The following FKBP15 variants were observed in gnomAD, a reference collection of about 807,000 sequenced individuals.
The protein encoded by FKBP15 is FK506-binding protein 15.
In FKBP15, 106 loss-of-function variants were observed where a neutral mutation model predicts 158.1. That is an observed-to-expected ratio of 0.67 (90% CI 0.57 to 0.79). FKBP15 has a LOEUF of 0.79. Ranked by LOEUF, FKBP15 falls within the 30% of genes least tolerant of loss-of-function variation. FKBP15 has a pLI of 0.00. For synonymous variants in FKBP15, 547 were observed against 548.6 expected, an observed-to-expected ratio of 1.00 and a Z score of 0.04; for missense variants, 1,287 against 1,479.1, an observed-to-expected ratio of 0.87 and a Z score of 2.13.
At chr9:113,196,888 C>T in intron 9 of FKBP15, 44 bp downstream of exon 9, 2 of 1,584,008 alleles carry the variant, frequency 1.3e-6, no homozygotes, top group Non-Finnish European at 8.6e-7. Flanking sequence ...AGCAAAGAGA[C>T]AGGCAGAGGA....
At chr9:113,220,569 A>C (rs1831230087) in intron 1 of FKBP15, among the ~76,000 whole-genome samples, 1 of 152,228 alleles carries the variant, frequency 6.6e-6, no homozygotes, top group Non-Finnish European at 1.5e-5. Flanking sequence ...CTTCCTGAGC[A>C]CTCACTATGT....
intron 1 of FKBP15, among the ~76,000 whole-genome samples, chr9:113,217,713 C>T (rs1245517177): frequency 6.6e-6 from 1 of 151,976 alleles, no homozygotes; most frequent in East Asian, 1.9e-4. Context: ...TGGTGGCATG[C>T]GCCTGTAATC....
Position 113,165,751 on chromosome 9 carries a change from T to G in FKBP15, c.*327A>C. On this transcript the variant is annotated 3_prime_UTR_variant, in exon 28 of 28. Transcript: ENST00000238256. ...ATTCAGGTAGAGGAGGGCTCCCAGG[T>G]CAGTCTGAGAGTTAATGAAGAGATT... 4.4e-6 allele frequency: 1 copy of G among 228,724 alleles called. No homozygotes were observed. The highest frequency in any genetic ancestry group is 7.4e-5 in the South Asian group (1 of 13,428). The allele number at this position is 228,724 out of a possible 1,614,324, so 14.2% of individuals were successfully genotyped here. A position where few individuals can be genotyped will look rare whatever the true frequency, so the allele number is the denominator to read the frequency against.
Position 113,170,559 on chromosome 9 carries a change from C to CCATTT in FKBP15, c.2728_2729insAAATG (p.Gly910GlufsTer11), listed in dbSNP as rs1241071677. The stretch of plus-strand genomic sequence containing the variant: ...CATGATGGTTCCCAGAATGGTCCTG[C>CCATTT]CATTGTAAGATTCCTCCAGCTCAAA... On this transcript the variant is annotated frameshift_variant, in exon 25 of 28. Transcript: ENST00000238256. LOFTEE classifies it high-confidence loss of function. 6.2e-7 allele frequency: 1 copy of CCATTT among 1,613,878 alleles called. No individual in the cohort carries two copies. Among genetic ancestry groups the CCATTT allele is most frequent in the South Asian group, 1.1e-5 (1 of 91,082 alleles).
rs1374895589 is a variant in FKBP15 at position 113,208,291 on chromosome 9, C to T, written c.170-995G>A. Among the ~76,000 whole-genome samples, 5 of 152,078 alleles carry T rather than the reference C, an allele frequency of 3.3e-5. No individual in the cohort carries two copies. In the East Asian group the frequency reaches 7.7e-4, roughly 24 times the overall value. On this transcript the variant is annotated intron_variant, in intron 2 of 27. Transcript: ENST00000238256. Reference sequence around the variant, plus strand: ...GGCAGAGGTTGCAGTGAGCTGAGATCGCACCACTGCACCCCAGCCTGGGTG... The same window carrying T: ...GGCAGAGGTTGCAGTGAGCTGAGATTGCACCACTGCACCCCAGCCTGGGTG...
chr9:113,162,698 CCTCATTACCAG>C lies in FKBP15; in HGVS notation c.*3369_*3379del. 1.9e-6 allele frequency: 3 copies of C among 1,543,202 alleles called. No homozygotes were observed. Among genetic ancestry groups the C allele is most frequent in the Non-Finnish European group, 1.8e-6 (2 of 1,133,852 alleles). Reference sequence around the variant, plus strand: ...ACTCCCTGATATCTACTCCCAGCTTCCTCATTACCAGCTCATTACCAGGATTAACTTGCTTC... The same window carrying C: ...ACTCCCTGATATCTACTCCCAGCTTCCTCATTACCAGGATTAACTTGCTTC... On this transcript the variant is annotated 3_prime_UTR_variant, in exon 28 of 28. Transcript: ENST00000238256.
chr9:113,206,500 C>A lies in FKBP15; in HGVS notation c.324+9G>T, dbSNP rs770398287. On this transcript the variant is annotated intron_variant, in intron 4 of 27. Coordinates refer to ENST00000238256, the MANE Select transcript of FKBP15 (RefSeq NM_015258.2). Reference sequence around the variant, plus strand: ...TCTGAATATACATGAGATGTGGGAGCACTCTCACCTCTCTGGCTGTGTGGT... The same window carrying A: ...TCTGAATATACATGAGATGTGGGAGAACTCTCACCTCTCTGGCTGTGTGGT... The A allele has an allele frequency of 1.9e-6, 3 of 1,611,482 alleles. No homozygotes were observed. The highest frequency in any genetic ancestry group is 1.7e-5 in the Admixed American group (1 of 59,982).
chr9:113,199,064 C>T (rs905747916), intron 7 of FKBP15, 141 bp from the exon 8 acceptor site: 8 of 606,596 alleles, frequency 1.3e-5, no homozygotes, highest in African/African-American at 1.1e-4. Flanking sequence ...TTCTAAAGGA[C>T]CTGAAATATT....
At position 113,188,375 on chromosome 9, in the gene FKBP15, G is replaced by T; in HGVS notation, c.1276+14C>A. ...CCCAGTTCAAGGCCACAGAGCCTCA[G>T]AGAGGTTCCTTACCCTGTGAGGTCA... On this transcript the variant is annotated intron_variant, in intron 13 of 27. Coordinates refer to ENST00000238256, the MANE Select transcript of FKBP15 (RefSeq NM_015258.2). 1 of 1,593,504 alleles carries T rather than the reference G, an allele frequency of 6.3e-7. No homozygotes were observed. Among genetic ancestry groups the T allele is most frequent in the Non-Finnish European group, 8.6e-7 (1 of 1,161,530 alleles).
intron 19 of FKBP15, among the ~76,000 whole-genome samples, chr9:113,181,507 A>T (rs568479859): frequency 1.3e-5 from 2 of 152,336 alleles, no homozygotes; most frequent in South Asian, 4.1e-4. Flanking sequence ...TGGAATCTAT[A>T]GGATCTTTTT....
At chr9:113,174,817 A>ACATCCTAACTTTCATAAAGGTACAGG (rs138365812) in intron 21 of FKBP15, among the ~76,000 whole-genome samples, 2 of 51,780 alleles carry the variant, frequency 3.9e-5, no homozygotes, top group African/African-American at 6.8e-5. Flanking sequence ...GAGCTAGGGA[A>ACATCCTAACTTTCATAAAGGTACAGG]ATTGGGAGGC....
At chr9:113,177,741 C>A (rs542654785) in intron 20 of FKBP15, among the ~76,000 whole-genome samples, 1 of 152,284 alleles carries the variant, frequency 6.6e-6, no homozygotes, top group African/African-American at 2.4e-5. Flanking sequence ...TGCTTCCACC[C>A]AACTCTGCTG....
chr9:113,213,109 A>T (rs4129395), intron 1 of FKBP15, among the ~76,000 whole-genome samples: 4 of 151,866 alleles, frequency 2.6e-5, no homozygotes, highest in African/African-American at 9.7e-5. Flanking sequence ...ATCAGCAAAA[A>T]TAAAAAGTGC....
intron 1 of FKBP15, among the ~76,000 whole-genome samples, chr9:113,214,066 G>A (rs1831071507): frequency 6.6e-6 from 1 of 152,076 alleles, no homozygotes; most frequent in Non-Finnish European, 1.5e-5. Flanking sequence ...CCAAATAGCT[G>A]AGACTACAGG....
intron 1 of FKBP15, among the ~76,000 whole-genome samples, chr9:113,214,921 C>T (rs1831087090): frequency 6.6e-6 from 1 of 152,238 alleles, no homozygotes; most frequent in African/African-American, 2.4e-5. Context: ...AACCTCTGCT[C>T]ACTTCCAGCT....
Position 113,165,916 on chromosome 9 carries a change from T to G in FKBP15, c.*162A>C. 1 of 566,200 alleles carries G rather than the reference T, an allele frequency of 1.8e-6. No individual in the cohort carries two copies. Among genetic ancestry groups the G allele is most frequent in the Non-Finnish European group, 3.1e-6 (1 of 317,904 alleles). 35.1% of individuals were successfully genotyped at this position (566,200 alleles called of 1,614,324 possible). ...TCCTCTTCACCAGGTCTGGCGGGGG[T>G]GGGGCTCAGAAGGTGGCCAACCCAC... On this transcript the variant is annotated 3_prime_UTR_variant, in exon 28 of 28. Coordinates refer to ENST00000238256, the MANE Select transcript of FKBP15 (RefSeq NM_015258.2).
At chr9:113,217,372 C>G (rs1303499865) in intron 1 of FKBP15, among the ~76,000 whole-genome samples, 1 of 151,218 alleles carries the variant, frequency 6.6e-6, no homozygotes, top group Non-Finnish European at 1.5e-5. Context: ...GCCACCACAC[C>G]CAGTTAATTT....
chr9:113,169,134 CTG>C, intron 26 of FKBP15, 88 bp downstream of exon 26: 2 of 1,464,756 alleles, frequency 1.4e-6, no homozygotes, highest in East Asian at 2.4e-5. Flanking sequence ...AAATTAGTCT[CTG>C]AGGGATGAGT....
At chr9:113,206,836 C>T in intron 3 of FKBP15, 1 of 470,064 alleles carries the variant, frequency 2.1e-6, no homozygotes, top group Non-Finnish European at 3.8e-6. Flanking sequence ...TCTGCCTCGG[C>T]CTCCCAAAGT....
Sources: allele counts gnomAD v4.1 joint callset (sites outside exome capture counted in the v4.1 genomes callset), GRCh38; gene constraint gnomAD v4.1.1; transcripts MANE v1.5; gene names NCBI Gene and HGNC (gene_info 2026-07-23, HGNC 2026-07-21).